Variants in ACAN observed in about 807,000 individuals in gnomAD.
ACAN encodes the protein aggrecan core protein.
A neutral mutation model predicts 169.1 loss-of-function variants in ACAN; 47 were observed. That is an observed-to-expected ratio of 0.28 (90% CI 0.22 to 0.35). ACAN has a LOEUF of 0.35. Among genes scored for constraint, ACAN ranks in the 10% least tolerant of loss-of-function variants. The pLI is 1.00. For synonymous variants in ACAN, 1,115 were observed against 1,112.2 expected (o/e 1.00, Z -0.05); for missense variants, 2,716 against 2,759.9 (o/e 0.98, Z 0.36).
At chr15:88,811,835 C>T (rs1009087497) in intron 1 of ACAN, among the ~76,000 whole-genome samples, 6 of 152,138 alleles carry the variant, frequency 3.9e-5, no homozygotes, top group Non-Finnish European at 8.8e-5. Context: ...TTGTCTCTGT[C>T]GCCTGACTTC....
Position 88,844,840 on chromosome 15 carries a change from G to A in ACAN, c.1052-665G>A, listed in dbSNP as rs114183181. On this transcript the variant is annotated intron_variant, in intron 6 of 18. Coordinates refer to ENST00000560601, the MANE Select transcript of ACAN (RefSeq NM_001369268.1). ...AAAAAACAATGCCTCACATGAATGA[G>A]GAGTTGCAAAACTTTTATGTACTAA... Among the ~76,000 whole-genome samples, 444 of 152,286 alleles carry A rather than the reference G, an allele frequency of 2.9e-3. 1 individual carries two copies. The highest frequency in any genetic ancestry group is 0.01 in the African/African-American group (422 of 41,544).
chr15:88,810,181 C>T (rs545569474), intron 1 of ACAN, among the ~76,000 whole-genome samples: 44 of 152,230 alleles, frequency 2.9e-4, no homozygotes, highest in Middle Eastern at 3.4e-3. Context: ...CTTCACACCA[C>T]GCAGGTCCCA....
intron 12 of ACAN, among the ~76,000 whole-genome samples, 158 bp from the exon 13 acceptor site, chr15:88,860,168 G>A (rs556830599): frequency 6.7e-6 from 1 of 149,898 alleles, no homozygotes; most frequent in African/African-American, 2.5e-5. Context: ...GATGCTGTGG[G>A]CCAGGTGCCC....
intron 1 of ACAN, among the ~76,000 whole-genome samples, chr15:88,806,352 ATTTTT>A (rs34058187): frequency 6.8e-6 from 1 of 147,026 alleles, no homozygotes. Context: ...TTTGGTGTGA[ATTTTT>A]TTTTTTTTTT....
intron 1 of ACAN, among the ~76,000 whole-genome samples, chr15:88,815,086 A>G (rs1022975318): frequency 1.3e-5 from 2 of 151,914 alleles, no homozygotes; most frequent in African/African-American, 4.8e-5. Flanking sequence ...CGGAAAAAAC[A>G]TTCACTTCTT....
chr15:88,871,258 C>T lies in ACAN; in HGVS notation c.7061-124C>T, dbSNP rs536718623. 174 of 1,373,254 alleles carry T rather than the reference C, an allele frequency of 1.3e-4. No homozygotes were observed. The African/African-American group carries it at 2.0e-3, about 16-fold the overall frequency. 85.1% of individuals were successfully genotyped at this position (1,373,254 alleles called of 1,614,324 possible). A position where few individuals can be genotyped will look rare whatever the true frequency, so the allele number is the denominator to read the frequency against. On this transcript the variant is annotated intron_variant, in intron 14 of 18. Coordinates refer to ENST00000560601, the MANE Select transcript of ACAN (RefSeq NM_001369268.1). The surrounding 1 kb of genome is among the most constrained non-coding windows in gnomAD (Gnocchi z 7.8). ...TGAACTCCTCCAGCTGTGCCTCTCC[C>T]TTCCCTTGAGGGCACAGCATGGAAG... is the stretch of plus-strand genomic sequence containing the variant.
At chr15:88,867,416 C>T (rs569509546) in intron 13 of ACAN, among the ~76,000 whole-genome samples, 8 of 152,328 alleles carry the variant, frequency 5.3e-5, no homozygotes, top group Admixed American at 1.3e-4. Flanking sequence ...TAGCTCCGAA[C>T]GCTTGTCTCC....
In ACAN at chr15:88,861,797, A is replaced by G. The variant is rs1486598270; in HGVS notation, c.6946+1358A>G. ...GAGGCAAAAATCTGACACTAGCATC[A>G]GAAGTCAAAGCAAGGCTCATGTTCT... On this transcript the variant is annotated intron_variant, in intron 13 of 18. Coordinates refer to ENST00000560601, the MANE Select transcript of ACAN (RefSeq NM_001369268.1). The surrounding 1 kb of genome is among the most constrained non-coding windows in gnomAD (Gnocchi z 6.3). Among the ~76,000 whole-genome samples the G allele has an allele frequency of 6.6e-6, 1 of 152,236 alleles. No homozygotes were observed. The highest frequency in any genetic ancestry group is 1.5e-5 in the Non-Finnish European group (1 of 68,042).
chr15:88,840,336 C>A, intron 4 of ACAN, 150 bp downstream of exon 4: 6 of 972,080 alleles, frequency 6.2e-6, no homozygotes, highest in Non-Finnish European at 7.3e-6. Flanking sequence ...CACACCTTGG[C>A]CAAACAGCAG....
intron 13 of ACAN, among the ~76,000 whole-genome samples, chr15:88,863,885 G>A (rs914993773): frequency 6.6e-6 from 1 of 152,242 alleles, no homozygotes; most frequent in Non-Finnish European, 1.5e-5. Flanking sequence ...TAAGAAGCAG[G>A]ATATTGTTGG....
Position 88,840,171 on chromosome 15 carries a change from C to T in ACAN, c.614C>T (p.Ala205Val). 1 of 1,598,802 alleles carries T rather than the reference C, an allele frequency of 6.3e-7. No homozygotes were observed. Among genetic ancestry groups the T allele is most frequent in the Non-Finnish European group, 8.5e-7 (1 of 1,174,268 alleles). Residue 205 changes from alanine (A) to valine (V), a missense_variant, in exon 4 of 19, where the codon GCT (alanine) becomes GTT (valine). By Grantham distance (64) the Ala-to-Val change is moderately conservative. This residue lies in a region of ACAN where 1,283 missense variants were observed against 1,281.5 expected (regional missense o/e 1.00). Transcript: ENST00000560601. ...CACCAGTGTGACGCCGGCTGGCTGG[C>T]TGACCAGACTGTCAGGTGAGCCCTA... ...GFHQCDAGWL[A>V]DQTVRYPIHT...
intron 11 of ACAN, among the ~76,000 whole-genome samples, chr15:88,853,335 C>T (rs1896971962): frequency 6.6e-6 from 1 of 151,462 alleles, no homozygotes. Flanking sequence ...AGTTGACTTG[C>T]TTTAAAAAAA....
chr15:88,808,043 C>T (rs113036247), intron 1 of ACAN, among the ~76,000 whole-genome samples: 18 of 151,704 alleles, frequency 1.2e-4, no homozygotes, highest in African/African-American at 3.9e-4. Context: ...TATGTGGGGG[C>T]GGGGGTGCCT....
Position 88,857,264 on chromosome 15 carries a change from C to T in ACAN, c.4679C>T (p.Ser1560Phe). The T allele has an allele frequency of 6.2e-7, 1 of 1,613,908 alleles. No homozygotes were observed. The highest frequency in any genetic ancestry group is 8.5e-7 in the Non-Finnish European group (1 of 1,179,886). The change falls in exon 12 of 19, where the codon TCT (serine) becomes TTT (phenylalanine). Residue 1560 changes from serine to phenylalanine, a missense_variant. Transcript: ENST00000560601. ...SGGEGLETSA[S>F]EVGTDLSGLP... ...GGAGAAGGTCTAGAGACCTCTGCTT[C>T]TGAAGTAGGGACTGACCTCAGTGGG...
intron 1 of ACAN, among the ~76,000 whole-genome samples, chr15:88,815,957 T>TAGGAAG (rs1895932691): frequency 6.6e-6 from 1 of 152,226 alleles, no homozygotes; most frequent in East Asian, 1.9e-4. Context: ...ATGCTCCCTC[T>TAGGAAG]GAAACCTATG....
Position 88,861,944 on chromosome 15 carries a change from A to C in ACAN, c.6946+1505A>C, listed in dbSNP as rs1897202201. Among the ~76,000 whole-genome samples the C allele has an allele frequency of 6.6e-6, 1 of 152,180 alleles. No homozygotes were observed. Among genetic ancestry groups the C allele is most frequent in the South Asian group, 2.1e-4 (1 of 4,830 alleles). On this transcript the variant is annotated intron_variant, in intron 13 of 18. Transcript: ENST00000560601. This position sits in a 1 kb window ranked among gnomAD's most constrained non-coding sequence, Gnocchi z 6.3. ...TTTTGTTCCCACGATTTCTCCCCAG[A>C]TGGCTCTGTAAGCAGCTTGGTAACT...
chr15:88,838,625 C>T lies in ACAN; in HGVS notation c.71-38C>T. The T allele has an allele frequency of 1.9e-6, 3 of 1,547,478 alleles. No homozygotes were observed. The highest frequency in any genetic ancestry group is 3.5e-4 in the Middle Eastern group (2 of 5,704). On this transcript the variant is annotated intron_variant, in intron 2 of 18. Coordinates refer to ENST00000560601, the MANE Select transcript of ACAN (RefSeq NM_001369268.1). The surrounding 1 kb of genome is among the most constrained non-coding windows in gnomAD (Gnocchi z 5.1). ...GAGGCGGGGTGGTCCTCTCTAGGCA[C>T]TAACAGGTCTCTCTTCTACCCCACC...
At chr15:88,844,368 T>TTTA (rs59329974) in intron 6 of ACAN, among the ~76,000 whole-genome samples, 39 of 149,718 alleles carry the variant, frequency 2.6e-4, no homozygotes, top group African/African-American at 5.5e-4. Context: ...GTCATTTTAC[T>TTTA]TTATTATTAT....
At chr15:88,865,240 G>C (rs1023650555) in intron 13 of ACAN, among the ~76,000 whole-genome samples, 1 of 152,162 alleles carries the variant, frequency 6.6e-6, no homozygotes, top group Non-Finnish European at 1.5e-5. Context: ...GTGATGATGA[G>C]TGAGCCCTGG....
Sources: gnomAD v4.1 joint callset for allele counts (sites outside exome capture counted in the v4.1 genomes callset) on GRCh38, gnomAD v4.1.1 for gene constraint, gnomAD v4.1.1 regional missense constraint, Gnocchi (gnomAD v3.1) non-coding constraint, MANE v1.5 for transcripts, NCBI Gene and HGNC (gene_info 2026-07-23, HGNC 2026-07-21) for gene names.